The following GRIN2A variants were observed in gnomAD, a reference collection of about 807,000 sequenced individuals.
GRIN2A encodes the protein glutamate receptor ionotropic, NMDA 2A.
GRIN2A carries 22 observed loss-of-function variants against 113.4 expected under a neutral mutation model. The observed-to-expected ratio is 0.19, with a 90% CI of 0.14 to 0.28. The LOEUF (loss-of-function observed/expected upper bound fraction) is 0.28. Among genes scored for constraint, GRIN2A ranks in the 10% least tolerant of loss-of-function variants. GRIN2A has a pLI of 1.00. For synonymous variants in GRIN2A, 827 were observed against 738.4 expected (o/e 1.12, Z -1.94); for missense variants, 1,502 against 1,887.0 (o/e 0.80, Z 3.78).
intron 11 of GRIN2A, among the ~76,000 whole-genome samples, chr16:9,787,066 A>G (rs1434749057): frequency 6.6e-6 from 1 of 152,146 alleles, no homozygotes; most frequent in East Asian, 1.9e-4. Context: ...ACCTCCAAAT[A>G]TGTTTCTTTG....
intron 2 of GRIN2A, among the ~76,000 whole-genome samples, chr16:10,099,240 T>G (rs71379069): frequency 1.3e-5 from 2 of 152,128 alleles, no homozygotes; most frequent in South Asian, 2.1e-4. Flanking sequence ...TGACTCCCCA[T>G]GTTCAGCATA....
rs945733608 is a variant in GRIN2A at position 10,105,080 on chromosome 16, G to A, written c.414+74918C>T. On this transcript the variant is annotated intron_variant, in intron 2 of 12. Coordinates refer to ENST00000330684, the MANE Select transcript of GRIN2A (RefSeq NM_001134407.3). ...GCAGTGCCACTCTGGGTCTGGAGCC[G>A]AACTGGTAGCTGGGGTCTAGAAGAA... 4.1e-4 allele frequency among the ~76,000 whole-genome samples: 62 copies of A among 152,252 alleles called. 1 individual carries two copies. Among genetic ancestry groups the A allele is most frequent in the Admixed American group, 1.0e-3 (16 of 15,304 alleles).
At chr16:9,938,618 C>T (rs1026901591) in intron 2 of GRIN2A, 67 bp from the exon 3 acceptor site, 21 of 1,113,890 alleles carry the variant, frequency 1.9e-5, no homozygotes, top group East Asian at 1.7e-4. Context: ...GCACAAACTG[C>T]GTCCTAGAAG....
chr16:10,109,556 G>T (rs1050614905), intron 2 of GRIN2A, among the ~76,000 whole-genome samples: 1 of 151,494 alleles, frequency 6.6e-6, no homozygotes, highest in Non-Finnish European at 1.5e-5. Flanking sequence ...TGTAACAAAA[G>T]GCAATGCATT....
intron 3 of GRIN2A, among the ~76,000 whole-genome samples, chr16:9,917,825 G>A (rs377751853): frequency 2.6e-4 from 39 of 152,214 alleles, no homozygotes; most frequent in Non-Finnish European, 4.3e-4. Context: ...CTCACTCCCC[G>A]CCTAGAGATT....
intron 2 of GRIN2A, among the ~76,000 whole-genome samples, chr16:10,040,033 CT>C (rs2047127135): frequency 6.8e-6 from 1 of 147,082 alleles, no homozygotes; most frequent in African/African-American, 2.5e-5. Context: ...CACAAATATA[CT>C]ACACACATCC....
intron 11 of GRIN2A, among the ~76,000 whole-genome samples, chr16:9,776,278 ATT>A (rs34371083): frequency 0.52 from 66,765 of 129,144 alleles, 16,764 homozygotes; most frequent in East Asian, 0.77. Context: ...AACATCCTGG[ATT>A]TTTTTTTTTT....
chr16:9,869,888 C>A (rs1257503062), intron 4 of GRIN2A, among the ~76,000 whole-genome samples: 1 of 152,212 alleles, frequency 6.6e-6, no homozygotes, highest in Non-Finnish European at 1.5e-5. Flanking sequence ...TTCCTTCCCA[C>A]CTGCAATGTG....
At chr16:9,987,341 T>C (rs2045997901) in intron 2 of GRIN2A, among the ~76,000 whole-genome samples, 1 of 152,218 alleles carries the variant, frequency 6.6e-6, no homozygotes, top group Non-Finnish European at 1.5e-5. Flanking sequence ...GAAAGCCAAC[T>C]CACTCCCATT....
At chr16:9,844,182 T>A (rs1285858675) in intron 5 of GRIN2A, among the ~76,000 whole-genome samples, 1 of 152,142 alleles carries the variant, frequency 6.6e-6, no homozygotes, top group South Asian at 2.1e-4. Context: ...CACAGGCATA[T>A]AGTGGCATTC....
At chr16:9,859,336 TA>T (rs2043021758) in intron 4 of GRIN2A, among the ~76,000 whole-genome samples, 1 of 152,146 alleles carries the variant, frequency 6.6e-6, no homozygotes, top group South Asian at 2.1e-4. Flanking sequence ...AAAATAGCAC[TA>T]AAAACCGTGC....
At chr16:9,867,133 C>T (rs2043174190) in intron 4 of GRIN2A, among the ~76,000 whole-genome samples, 1 of 152,162 alleles carries the variant, frequency 6.6e-6, no homozygotes. Flanking sequence ...CTTCCTATCA[C>T]ACCCACCTGG....
At chr16:10,099,036 G>C (rs1338692799) in intron 2 of GRIN2A, among the ~76,000 whole-genome samples, 2 of 150,298 alleles carry the variant, frequency 1.3e-5, no homozygotes, top group African/African-American at 4.9e-5. Flanking sequence ...CCAAATAGTT[G>C]TTAAAAATAA....
At chr16:10,062,255 C>T (rs1009553876) in intron 2 of GRIN2A, among the ~76,000 whole-genome samples, 5 of 152,128 alleles carry the variant, frequency 3.3e-5, no homozygotes, top group African/African-American at 4.8e-5. Flanking sequence ...ACTACTCACC[C>T]CTGCTGTTGT....
At chr16:10,143,867 G>A (rs2049377929) in intron 2 of GRIN2A, among the ~76,000 whole-genome samples, 1 of 152,174 alleles carries the variant, frequency 6.6e-6, no homozygotes, top group African/African-American at 2.4e-5. Flanking sequence ...TAGGGAGGCT[G>A]AGGCAGGAGG....
intron 2 of GRIN2A, among the ~76,000 whole-genome samples, chr16:10,024,387 T>G (rs924285019): frequency 6.6e-6 from 1 of 152,208 alleles, no homozygotes; most frequent in Non-Finnish European, 1.5e-5. Context: ...CACACCCAGC[T>G]AATTTTATTT....
At chr16:10,148,218 C>T (rs1243718553) in intron 2 of GRIN2A, among the ~76,000 whole-genome samples, 1 of 152,140 alleles carries the variant, frequency 6.6e-6, no homozygotes, top group Non-Finnish European at 1.5e-5. Flanking sequence ...CCCAGCCATG[C>T]CCATTCATTG....
At chr16:10,062,417 C>T (rs545358241) in intron 2 of GRIN2A, among the ~76,000 whole-genome samples, 17 of 152,306 alleles carry the variant, frequency 1.1e-4, no homozygotes, top group Middle Eastern at 3.4e-3. Context: ...GGTCACCAGA[C>T]CAACAGCATC....
chr16:9,757,358 CT>C lies in GRIN2A; in HGVS notation c.*5790del, dbSNP rs74985384. 0.092 allele frequency: 17,042 copies of C among 186,080 alleles called. 10 individuals carry two copies. The highest frequency in any genetic ancestry group is 0.21 in the East Asian group (2,432 of 11,364). 11.5% of individuals were successfully genotyped at this position (186,080 alleles called of 1,614,324 possible). ...AGTTACTTAAAGGTTTAGGGAAGGA[CT>C]TTTTTTTTTTTTTTAAAAAAGGTAT... On this transcript the variant is annotated 3_prime_UTR_variant, in exon 13 of 13. Coordinates refer to ENST00000330684, the MANE Select transcript of GRIN2A (RefSeq NM_001134407.3).
Sources: allele counts gnomAD v4.1 joint callset (sites outside exome capture counted in the v4.1 genomes callset), GRCh38; gene constraint gnomAD v4.1.1; transcripts MANE v1.5; gene names NCBI Gene and HGNC (gene_info 2026-07-23, HGNC 2026-07-21).